MOXD1: variants seen among roughly 807,000 people sequenced by gnomAD.
MOXD1 encodes DBH-like monooxygenase protein 1.
A neutral mutation model predicts 66.6 loss-of-function variants in MOXD1; 62 were observed. That is an observed-to-expected ratio of 0.93 (90% CI 0.76 to 1.15). The LOEUF (loss-of-function observed/expected upper bound fraction) is 1.15. MOXD1 is among the 50% of genes most tolerant of loss of function. The pLI, the probability that MOXD1 is intolerant of heterozygous loss-of-function variation, is 0.00. For synonymous variants in MOXD1, 303 were observed against 281.9 expected, an observed-to-expected ratio of 1.07 and a Z score of -0.75; for missense variants, 847 against 754.6, an observed-to-expected ratio of 1.12 and a Z score of -1.44.
chr6:132,383,992 C>T (rs926986642), intron 1 of MOXD1, among the ~76,000 whole-genome samples: 3 of 152,136 alleles, frequency 2.0e-5, no homozygotes, highest in African/African-American at 7.2e-5. Context: ...ATCACTTGAA[C>T]CCGGGAGGTG....
rs1334127877 is a variant in MOXD1 at position 132,320,790 on chromosome 6, G to A, written c.1306-102C>T. ...GTTAATATTTGCTGTATGAATGGAT[G>A]CGCCAAGTAATTTCATTCAGCAGAA... is the stretch of plus-strand genomic sequence containing the variant. On this transcript the variant is annotated intron_variant, in intron 8 of 11. Transcript: ENST00000367963. 65 of 937,770 alleles carry A rather than the reference G, an allele frequency of 6.9e-5. 1 individual carries two copies. Among genetic ancestry groups the A allele is most frequent in the Non-Finnish European group, 9.9e-5 (61 of 613,574 alleles). The allele number at this position is 937,770 out of a possible 1,614,324, so 58.1% of individuals were successfully genotyped here.
chr6:132,315,004 A>G (rs569130662), intron 10 of MOXD1, among the ~76,000 whole-genome samples: 1 of 152,204 alleles, frequency 6.6e-6, no homozygotes, highest in Non-Finnish European at 1.5e-5. Flanking sequence ...GGAAACTTAA[A>G]TAGTAAACGA....
chr6:132,327,808 TTGGTGC>T (rs1185874379), intron 6 of MOXD1, among the ~76,000 whole-genome samples, 199 bp downstream of exon 6: 1 of 152,152 alleles, frequency 6.6e-6, no homozygotes, highest in Non-Finnish European at 1.5e-5. Flanking sequence ...TTTACCTGGT[TTGGTGC>T]TGGTTAATGC....
chr6:132,391,083 T>C (rs2114693131), intron 1 of MOXD1: 1 of 151,460 alleles, frequency 6.6e-6, no homozygotes, highest in Middle Eastern at 3.4e-3. Context: ...CAATACGCCA[T>C]TTAATAGTTA....
At chr6:132,349,386 TATATATACAC>T (rs1775738005) in intron 4 of MOXD1, among the ~76,000 whole-genome samples, 3 of 104,724 alleles carry the variant, frequency 2.9e-5, no homozygotes, top group Admixed American at 1.2e-4. Flanking sequence ...TACATGTATA[TATATATACAC>T]ATATATATAC....
intron 4 of MOXD1, among the ~76,000 whole-genome samples, chr6:132,356,647 T>C (rs1582591434): frequency 1.3e-5 from 2 of 152,134 alleles, no homozygotes; most frequent in South Asian, 4.1e-4. Context: ...GCTGCAAAAA[T>C]TATGGTTTAT....
intron 10 of MOXD1, among the ~76,000 whole-genome samples, chr6:132,304,856 G>A (rs899520030): frequency 1.3e-5 from 2 of 152,062 alleles, no homozygotes; most frequent in Admixed American, 1.3e-4. Flanking sequence ...ACAAAATACT[G>A]CCAAGAATAT....
chr6:132,336,415 T>G (rs1249633499), intron 4 of MOXD1, among the ~76,000 whole-genome samples: 1 of 152,202 alleles, frequency 6.6e-6, no homozygotes, highest in African/African-American at 2.4e-5. Context: ...GATGAGCATA[T>G]GATCATGCTG....
At chr6:132,374,999 C>T (rs544168153) in intron 1 of MOXD1, 7 of 580,386 alleles carry the variant, frequency 1.2e-5, no homozygotes, top group East Asian at 8.4e-5. Context: ...CTGATAATAT[C>T]GTAGAGCATC....
At chr6:132,313,087 TTATTTACTTGTTATA>T (rs1774866863) in intron 10 of MOXD1, among the ~76,000 whole-genome samples, 1 of 152,138 alleles carries the variant, frequency 6.6e-6, no homozygotes, top group East Asian at 1.9e-4. Context: ...ACATATGTAA[TTATTTACTTGTTATA>T]TATTTATGTA....
Position 132,312,100 on chromosome 6 carries a change from G to A in MOXD1, c.1508+3535C>T, listed in dbSNP as rs77760661. Among the ~76,000 whole-genome samples the A allele has an allele frequency of 7.2e-3, 1,089 of 151,878 alleles. 4 individuals are homozygous for A. The highest frequency in any genetic ancestry group is 0.011 in the Non-Finnish European group (727 of 67,896). On this transcript the variant is annotated intron_variant, in intron 10 of 11. Coordinates refer to ENST00000367963, the MANE Select transcript of MOXD1 (RefSeq NM_015529.4). ...ATCTAAACTCATTATCTATTTTGTTGTTTGATCTTTGTGAGTTTTTTGTTT... is the reference window on the plus strand; with the variant it reads ...ATCTAAACTCATTATCTATTTTGTTATTTGATCTTTGTGAGTTTTTTGTTT...
At chr6:132,340,638 A>ATCTTTTTTTTTTT (rs1562287208) in intron 4 of MOXD1, among the ~76,000 whole-genome samples, 4 of 98,808 alleles carry the variant, frequency 4.0e-5, no homozygotes, top group African/African-American at 1.8e-4. Flanking sequence ...AACAAGACTC[A>ATCTTTTTTTTTTT]TTTTTTTTTT....
chr6:132,383,984 C>G (rs564286805), intron 1 of MOXD1, among the ~76,000 whole-genome samples: 3 of 152,248 alleles, frequency 2.0e-5, no homozygotes, highest in African/African-American at 7.2e-5. Flanking sequence ...GCTGGAGAAT[C>G]ACTTGAACCC....
chr6:132,361,022 AT>A (rs905435951), intron 4 of MOXD1, among the ~76,000 whole-genome samples: 2 of 152,146 alleles, frequency 1.3e-5, no homozygotes, highest in African/African-American at 4.8e-5. Flanking sequence ...GCCTTCACTA[AT>A]TTTTATAATT....
intron 1 of MOXD1, among the ~76,000 whole-genome samples, chr6:132,376,834 C>G (rs1562297168): frequency 6.6e-6 from 1 of 152,158 alleles, no homozygotes; most frequent in African/African-American, 2.4e-5. Context: ...CTTATATGCA[C>G]CAGGCCCTGT....
rs745396629 is a variant in MOXD1 at position 132,401,427 on chromosome 6, C to T, written c.-1G>A. On this transcript the variant is annotated 5_prime_UTR_variant, in exon 1 of 12. Transcript: ENST00000367963. ...GCAGGAGCAGCGGCCAGCAGCACAT[C>T]CTCGGGCGCCTCCTGCCCGCCGGTA... The T allele has an allele frequency of 3.5e-5, 51 of 1,472,708 alleles. No individual in the cohort carries two copies. The highest frequency in any genetic ancestry group is 2.7e-4 in the African/African-American group (19 of 69,184). The allele number at this position is 1,472,708 out of a possible 1,614,324, so 91.2% of individuals were successfully genotyped here.
In MOXD1 at chr6:132,302,532, C is replaced by T. The variant is rs1009264582; in HGVS notation, c.1509-4577G>A. Among the ~76,000 whole-genome samples the T allele has an allele frequency of 2.6e-5, 4 of 151,906 alleles. No individual in the cohort carries two copies. In the East Asian group the frequency reaches 7.7e-4, roughly 29 times the overall value. On this transcript the variant is annotated intron_variant, in intron 10 of 11. Coordinates refer to ENST00000367963, the MANE Select transcript of MOXD1 (RefSeq NM_015529.4). ...CGCAAAACTTCTATATTGAAAACCA[C>T]AAAAAAGTGCTTAGAGAAATGAAAG... is the stretch of plus-strand genomic sequence containing the variant.
In MOXD1 at chr6:132,354,536, G is replaced by C. The variant is rs528449616; in HGVS notation, c.663+18072C>G. 2.6e-5 allele frequency among the ~76,000 whole-genome samples: 4 copies of C among 152,330 alleles called. No homozygotes were observed. In the South Asian group the frequency reaches 8.3e-4, roughly 32 times the overall value. On this transcript the variant is annotated intron_variant, in intron 4 of 11. Coordinates refer to ENST00000367963, the MANE Select transcript of MOXD1 (RefSeq NM_015529.4). ...ATGGGCCTCTCAGCCATTGATACCA[G>C]CACCTGTTCCAGTGGAGGTGGCAGG...
intron 4 of MOXD1, among the ~76,000 whole-genome samples, chr6:132,341,110 A>C (rs1334671709): frequency 6.6e-6 from 1 of 152,200 alleles, no homozygotes; most frequent in Non-Finnish European, 1.5e-5. Flanking sequence ...TGTGTCCCCC[A>C]AAAATTCTCA....
Sources: allele counts gnomAD v4.1 joint callset (sites outside exome capture counted in the v4.1 genomes callset), GRCh38; gene constraint gnomAD v4.1.1; transcripts MANE v1.5; gene names NCBI Gene and HGNC (gene_info 2026-07-23, HGNC 2026-07-21).